The following CCDC3 variants were observed in gnomAD, a reference collection of about 807,000 sequenced individuals.
CCDC3 encodes coiled-coil domain-containing protein 3.
CCDC3 carries 24 observed loss-of-function variants against 21.4 expected under a neutral mutation model. The ratio of observed to expected loss-of-function variants is 1.12; its 90% confidence interval spans 0.81 to 1.58. The LOEUF (loss-of-function observed/expected upper bound fraction) is 1.58, where lower values mean the gene tolerates loss of function less well. Ranked by LOEUF, CCDC3 falls within the 40% of genes most tolerant of loss-of-function variation. The pLI, the probability that CCDC3 is intolerant of heterozygous loss-of-function variation, is 0.00. For synonymous variants in CCDC3, 186 were observed against 166.0 expected (o/e 1.12, Z -0.93); for missense variants, 425 against 360.9 (o/e 1.18, Z -1.44).
Position 13,050,275 on chromosome 10 carries a change from G to A in CCDC3, c.-269-334C>T, listed in dbSNP as rs545105681. ...CCTCATTTACACACAGCACAAGGAA[G>A]GCAGGCTTTCTCCTTGGTAATTGGT... is the stretch of plus-strand genomic sequence containing the variant. On this transcript the variant is annotated intron_variant, in intron 4 of 6. Transcript: ENST00000378839. Among the ~76,000 whole-genome samples, 26 of 152,194 alleles carry A rather than the reference G, an allele frequency of 1.7e-4. No homozygotes were observed. In the South Asian group the frequency reaches 5.4e-3, roughly 32 times the overall value.
intron 3 of CCDC3, among the ~76,000 whole-genome samples, chr10:13,076,830 C>A (rs1046819367): frequency 2.6e-5 from 4 of 152,178 alleles, no homozygotes; most frequent in Admixed American, 2.6e-4. Context: ...AAATTGTCAG[C>A]CAATCGGGTT....
chr10:13,028,233 T>A (rs1175649231), intron 5 of CCDC3, among the ~76,000 whole-genome samples: 1 of 152,014 alleles, frequency 6.6e-6, no homozygotes, highest in Non-Finnish European at 1.5e-5. Context: ...TCTCATGAGA[T>A]CTGATGGTTT....
rs1836065729 is a variant in CCDC3 at position 13,016,612 on chromosome 10, G to A, written c.-1-18100C>T. ...CCCGGAGGTTGAATCCCTTCCCCCGGGGTCACATAACTACAGGCAGTGTGA... is the reference window on the plus strand; with the variant it reads ...CCCGGAGGTTGAATCCCTTCCCCCGAGGTCACATAACTACAGGCAGTGTGA... On this transcript the variant is annotated intron_variant, in intron 5 of 6. Coordinates refer to the CCDC3 transcript ENST00000378839. Among the ~76,000 whole-genome samples the A allele has an allele frequency of 5.9e-5, 9 of 151,992 alleles. No homozygotes were observed. The South Asian group carries it at 1.9e-3, about 32-fold the overall frequency.
At chr10:13,084,655 C>G (rs547307273) in intron 3 of CCDC3, among the ~76,000 whole-genome samples, 1 of 152,154 alleles carries the variant, frequency 6.6e-6, no homozygotes, top group Non-Finnish European at 1.5e-5. Context: ...CTTTCTTGCA[C>G]GAGATCCAAT....
At chr10:12,938,194 C>T (rs533931531) in intron 2 of CCDC3, among the ~76,000 whole-genome samples, 1 of 152,294 alleles carries the variant, frequency 6.6e-6, no homozygotes, top group South Asian at 2.1e-4. Context: ...AACTAACCTC[C>T]ACCCACAGAG....
At chr10:12,973,065 A>T (rs1835365754) in intron 2 of CCDC3, among the ~76,000 whole-genome samples, 1 of 152,184 alleles carries the variant, frequency 6.6e-6, no homozygotes, top group Non-Finnish European at 1.5e-5. Context: ...AATAAGGACA[A>T]TGTGGCAGCT....
At chr10:12,910,609 A>T (rs1396784283) in intron 2 of CCDC3, among the ~76,000 whole-genome samples, 232 of 110,132 alleles carry the variant, frequency 2.1e-3, no homozygotes, top group African/African-American at 8.1e-3. Flanking sequence ...AAAAAAAAAA[A>T]AATTTTTTTT....
intron 2 of CCDC3, among the ~76,000 whole-genome samples, chr10:12,989,276 C>T (rs749463652): frequency 1.3e-5 from 2 of 152,180 alleles, no homozygotes; most frequent in African/African-American, 2.4e-5. Context: ...CCATTAAATC[C>T]CCCATTCCTT....
chr10:12,899,163 C>T (rs1588995432), intron 2 of CCDC3, among the ~76,000 whole-genome samples: 1 of 152,052 alleles, frequency 6.6e-6, no homozygotes, highest in East Asian at 1.9e-4. Flanking sequence ...ACTCTCTTTG[C>T]TCCCTTTAGC....
At position 12,920,780 on chromosome 10, in the gene CCDC3, G is replaced by A. The variant is rs184852332; in HGVS notation, c.550-22101C>T. On this transcript the variant is annotated intron_variant, in intron 2 of 2. Transcript: ENST00000378825. The stretch of plus-strand genomic sequence containing the variant: ...TAAAAGCGAAGCTCAGAGCACTGAC[G>A]TCACTTGCCTAAGTCCCCGTGACAA... Among the ~76,000 whole-genome samples, 11 of 152,312 alleles carry A rather than the reference G, an allele frequency of 7.2e-5. No individual in the cohort carries two copies. The East Asian group carries it at 1.2e-3, about 16-fold the overall frequency.
At chr10:12,993,218 T>C (rs574506416) in intron 2 of CCDC3, among the ~76,000 whole-genome samples, 1 of 152,324 alleles carries the variant, frequency 6.6e-6, no homozygotes, top group African/African-American at 2.4e-5. Flanking sequence ...TAGAAAGTGT[T>C]TTCAAAAGTA....
intron 2 of CCDC3, among the ~76,000 whole-genome samples, chr10:12,967,360 T>G (rs1835276778): frequency 6.6e-6 from 1 of 152,146 alleles, no homozygotes; most frequent in South Asian, 2.1e-4. Context: ...ATATGTGAAC[T>G]GCCTAAGAAT....
At chr10:12,985,168 G>A (rs1000504704) in intron 2 of CCDC3, among the ~76,000 whole-genome samples, 2 of 152,134 alleles carry the variant, frequency 1.3e-5, no homozygotes, top group East Asian at 3.8e-4. Context: ...GGGTGAGTTT[G>A]TGGCATATAA....
intron 2 of CCDC3, among the ~76,000 whole-genome samples, chr10:12,948,189 C>A (rs558987973): frequency 6.6e-6 from 1 of 152,200 alleles, no homozygotes; most frequent in Non-Finnish European, 1.5e-5. Context: ...TGCACACACT[C>A]TCTTGCCTGC....
At chr10:13,035,488 C>T (rs1040877785) in intron 5 of CCDC3, among the ~76,000 whole-genome samples, 4 of 152,212 alleles carry the variant, frequency 2.6e-5, no homozygotes, top group Non-Finnish European at 5.9e-5. Flanking sequence ...AGGCCTCCTA[C>T]TCTATGTGAA....
intron 5 of CCDC3, among the ~76,000 whole-genome samples, chr10:13,048,649 T>C (rs920474867): frequency 5.3e-5 from 8 of 152,206 alleles, no homozygotes; most frequent in Admixed American, 1.3e-4. Flanking sequence ...CAACACCCAC[T>C]GCAGACAGGA....
At chr10:12,939,565 A>T (rs1781668735) in intron 2 of CCDC3, among the ~76,000 whole-genome samples, 1 of 152,208 alleles carries the variant, frequency 6.6e-6, no homozygotes, top group Non-Finnish European at 1.5e-5. Flanking sequence ...CCTGAGTGAC[A>T]GAGCCAGATG....
intron 5 of CCDC3, among the ~76,000 whole-genome samples, chr10:13,044,388 A>G (rs1232366640): frequency 2.6e-5 from 4 of 152,266 alleles, no homozygotes; most frequent in Admixed American, 2.0e-4. Flanking sequence ...GTCTTGTTGC[A>G]ATTGCTTTTG....
chr10:12,931,359 G>A (rs10906256), intron 2 of CCDC3, among the ~76,000 whole-genome samples: 2 of 152,040 alleles, frequency 1.3e-5, no homozygotes, highest in African/African-American at 4.8e-5. Context: ...GGGTGGAATG[G>A]GATTCAACCT....
Sources: gnomAD v4.1 joint callset for allele counts (sites outside exome capture counted in the v4.1 genomes callset) on GRCh38, gnomAD v4.1.1 for gene constraint, MANE v1.5 for transcripts, NCBI Gene and HGNC (gene_info 2026-07-23, HGNC 2026-07-21) for gene names.